The following CCDC169 variants were observed in gnomAD, a reference collection of about 807,000 sequenced individuals.
The protein encoded by CCDC169 is coiled-coil domain-containing protein 169.
Under a neutral mutation model 36.0 loss-of-function variants are expected in CCDC169, and 30 were observed. That is an observed-to-expected ratio of 0.83 (90% CI 0.62 to 1.13). CCDC169 has a LOEUF of 1.13. Ranked by LOEUF, CCDC169 falls within the 50% of genes most tolerant of loss-of-function variation. The pLI, the probability that CCDC169 is intolerant of heterozygous loss-of-function variation, is 0.00. For synonymous variants in CCDC169, 85 were observed against 81.5 expected (o/e 1.04, Z -0.23); for missense variants, 245 against 245.9 (o/e 1.00, Z 0.03).
At chr13:36,286,955 G>A (rs545261807) in intron 2 of CCDC169, among the ~76,000 whole-genome samples, 40 of 151,784 alleles carry the variant, frequency 2.6e-4, no homozygotes, top group African/African-American at 8.9e-4. Flanking sequence ...CTCTTTTCCT[G>A]TTCAAACCAG....
At chr13:36,257,726 C>A (rs536663855) in intron 4 of CCDC169, among the ~76,000 whole-genome samples, 5 of 151,348 alleles carry the variant, frequency 3.3e-5, no homozygotes, top group East Asian at 1.9e-4. Context: ...AAGAAAAAAT[C>A]TTTCTACCTT....
At chr13:36,275,329 A>G (rs138036081) in intron 4 of CCDC169, among the ~76,000 whole-genome samples, 176 of 152,326 alleles carry the variant, frequency 1.2e-3, no homozygotes, top group African/African-American at 4.1e-3. Flanking sequence ...AACTGCAACA[A>G]TGAAAGAACA....
chr13:36,279,804 A>G (rs191169103), intron 4 of CCDC169, among the ~76,000 whole-genome samples: 11 of 152,344 alleles, frequency 7.2e-5, no homozygotes, highest in Admixed American at 4.6e-4. Flanking sequence ...TTGAATAGCT[A>G]CAACAAAGAT....
intron 2 of CCDC169, among the ~76,000 whole-genome samples, chr13:36,288,184 T>C (rs1878474457): frequency 6.6e-6 from 1 of 152,014 alleles, no homozygotes; most frequent in Non-Finnish European, 1.5e-5. Context: ...AATTTTTCTG[T>C]ATTTTTTTAG....
intron 7 of CCDC169, among the ~76,000 whole-genome samples, chr13:36,232,780 T>C (rs1487809250): frequency 6.6e-6 from 1 of 151,780 alleles, no homozygotes; most frequent in African/African-American, 2.4e-5. Context: ...ATGCCTATAA[T>C]CTCAGCTAGT....
chr13:36,290,235 TG>T, intron 2 of CCDC169, among the ~76,000 whole-genome samples: 1 of 152,284 alleles, frequency 6.6e-6, no homozygotes, highest in African/African-American at 2.4e-5. Context: ...GGGACACGCC[TG>T]TACCACAAAA....
chr13:36,296,348 C>T (rs1879484086), intron 1 of CCDC169, among the ~76,000 whole-genome samples: 1 of 152,202 alleles, frequency 6.6e-6, no homozygotes, highest in South Asian at 2.1e-4. Flanking sequence ...CAGCCTCGGC[C>T]TCCCAAAGTG....
At chr13:36,236,312 A>G (rs560911039) in intron 7 of CCDC169, among the ~76,000 whole-genome samples, 2 of 152,236 alleles carry the variant, frequency 1.3e-5, no homozygotes, top group South Asian at 2.1e-4. Flanking sequence ...TTATAGATCA[A>G]TGAAACACAA....
intron 4 of CCDC169, among the ~76,000 whole-genome samples, chr13:36,261,525 A>G (rs1047019806): frequency 1.3e-5 from 2 of 152,180 alleles, no homozygotes; most frequent in Non-Finnish European, 2.9e-5. Flanking sequence ...CTGAGAAGGA[A>G]GTTTGTTTGT....
chr13:36,279,258 GCTT>G (rs1452280709), intron 4 of CCDC169, among the ~76,000 whole-genome samples: 13 of 151,980 alleles, frequency 8.6e-5, no homozygotes, highest in Admixed American at 6.6e-4. Context: ...TATTTCAATA[GCTT>G]CTTATCATAT....
intron 4 of CCDC169, among the ~76,000 whole-genome samples, chr13:36,260,936 A>C (rs1874532336): frequency 6.6e-6 from 1 of 152,148 alleles, no homozygotes; most frequent in Admixed American, 6.5e-5. Flanking sequence ...AAAAGCTTTC[A>C]AGAATCTAAT....
At chr13:36,248,734 GA>G in intron 6 of CCDC169, 52 bp from the exon 7 acceptor site, 1 of 1,470,840 alleles carries the variant, frequency 6.8e-7, no homozygotes. Flanking sequence ...ATTGATTTCA[GA>G]AATAAGAGAG....
At chr13:36,256,383 G>A (rs1386182897) in intron 4 of CCDC169, among the ~76,000 whole-genome samples, 1 of 152,132 alleles carries the variant, frequency 6.6e-6, no homozygotes, top group East Asian at 1.9e-4. Flanking sequence ...ATGGTGGAAG[G>A]CACCTCTTCA....
intron 7 of CCDC169, among the ~76,000 whole-genome samples, chr13:36,239,408 C>A (rs1279038631): frequency 6.6e-6 from 1 of 152,050 alleles, no homozygotes; most frequent in Non-Finnish European, 1.5e-5. Context: ...ATTCTATGCT[C>A]CTGAGTATTA....
At chr13:36,239,692 A>G (rs1221924904) in intron 7 of CCDC169, among the ~76,000 whole-genome samples, 2 of 152,122 alleles carry the variant, frequency 1.3e-5, no homozygotes, top group African/African-American at 4.8e-5. Flanking sequence ...GGGGGAGAAA[A>G]TGGAATCTGA....
At chr13:36,296,184 C>T (rs1011622314) in intron 1 of CCDC169, among the ~76,000 whole-genome samples, 2 of 152,160 alleles carry the variant, frequency 1.3e-5, no homozygotes, top group Non-Finnish European at 2.9e-5. Flanking sequence ...CTCCGCCTCC[C>T]GGGTTCAAGC....
chr13:36,288,400 G>A (rs989144290), intron 2 of CCDC169, among the ~76,000 whole-genome samples: 1 of 152,160 alleles, frequency 6.6e-6, no homozygotes, highest in African/African-American at 2.4e-5. Flanking sequence ...AATGGAAAAG[G>A]TGAATACATG....
At chr13:36,223,678 C>T (rs1764813983), downstream of CCDC169, 1 of 152,042 alleles carries the variant, frequency 6.6e-6, no homozygotes, top group Admixed American at 6.6e-5. Flanking sequence ...AAAATCCCAG[C>T]ACTGTTGTTA....
intron 4 of CCDC169, among the ~76,000 whole-genome samples, chr13:36,278,803 ATC>A (rs1390129713): frequency 3.2e-4 from 49 of 152,202 alleles, no homozygotes; most frequent in African/African-American, 1.1e-3. Context: ...TGACTTGGTG[ATC>A]TCTGTTTTCA....
Sources: allele counts gnomAD v4.1 joint callset (sites outside exome capture counted in the v4.1 genomes callset), GRCh38; gene constraint gnomAD v4.1.1; transcripts MANE v1.5; gene names NCBI Gene and HGNC (gene_info 2026-07-23, HGNC 2026-07-21).